The following GNB1 variants were observed in gnomAD, a reference collection of about 807,000 sequenced individuals.
GNB1 encodes the protein G protein subunit beta 1, also known as guanine nucleotide-binding protein G(I)/G(S)/G(T) subunit beta-1.
A neutral mutation model predicts 42.9 loss-of-function variants in GNB1; 2 were observed. That is an observed-to-expected ratio of 0.05 (90% confidence interval 0.02 to 0.15). The LOEUF (loss-of-function observed/expected upper bound fraction) is 0.15. Ranked by LOEUF, GNB1 falls within the 10% of genes least tolerant of loss-of-function variation. The probability of loss-of-function intolerance (pLI) is 1.00; values close to 1 mark genes in which losing one functional copy is unlikely to be tolerated. For missense variants in GNB1, 193 were observed against 462.2 expected (o/e 0.42, Z 5.34); for synonymous variants, 183 against 174.7 (o/e 1.05, Z -0.38).
At chr1:1,855,714 C>CA (rs1009219172) in intron 1 of GNB1, among the ~76,000 whole-genome samples, 60 of 149,568 alleles carry the variant, frequency 4.0e-4, no homozygotes, top group East Asian at 3.4e-3. Flanking sequence ...AAAAAAAAAA[C>CA]AAAAAAAAAC....
intron 7 of GNB1, among the ~76,000 whole-genome samples, 184 bp downstream of exon 7, chr1:1,804,235 C>T (rs567140552): frequency 2.0e-5 from 3 of 148,978 alleles, no homozygotes; most frequent in South Asian, 2.1e-4. Context: ...GGAGGCGGAG[C>T]GTGCAGTGAG....
At chr1:1,880,607 A>G (rs1019314501) in intron 1 of GNB1, among the ~76,000 whole-genome samples, 2 of 152,028 alleles carry the variant, frequency 1.3e-5, no homozygotes, top group East Asian at 1.9e-4. Flanking sequence ...ATATATATAT[A>G]TGATGATGAA....
intron 3 of GNB1, among the ~76,000 whole-genome samples, chr1:1,821,191 C>T (rs531818702): frequency 5.9e-5 from 9 of 152,306 alleles, no homozygotes; most frequent in Non-Finnish European, 1.2e-4. Flanking sequence ...CATTTTGGAC[C>T]GGGCATCCAT....
At chr1:1,868,262 G>A (rs1203102944) in intron 1 of GNB1, among the ~76,000 whole-genome samples, 3 of 151,958 alleles carry the variant, frequency 2.0e-5, no homozygotes, top group African/African-American at 4.8e-5. Context: ...TGCAACCTCT[G>A]CCTCCCGGGT....
intron 1 of GNB1, among the ~76,000 whole-genome samples, chr1:1,847,543 C>T (rs1296699226): frequency 1.3e-5 from 2 of 152,156 alleles, no homozygotes; most frequent in Non-Finnish European, 2.9e-5. Context: ...ACACACAGTA[C>T]TCTATGGAAA....
intron 1 of GNB1, among the ~76,000 whole-genome samples, chr1:1,865,768 A>C (rs1422040383): frequency 6.6e-6 from 1 of 152,208 alleles, no homozygotes; most frequent in African/African-American, 2.4e-5. Context: ...TAACTTGAGA[A>C]AGCTTTTAAA....
intron 6 of GNB1, among the ~76,000 whole-genome samples, chr1:1,805,476 A>C (rs868749049): frequency 2.6e-5 from 4 of 152,096 alleles, no homozygotes; most frequent in Admixed American, 6.6e-5. Flanking sequence ...ACACAAAAAA[A>C]CCCACACGTA....
At chr1:1,788,917 C>T (rs1646442414) in intron 10 of GNB1, 136 bp downstream of exon 10, 13 of 659,692 alleles carry the variant, frequency 2.0e-5, no homozygotes, top group South Asian at 8.9e-5. Context: ...CATCAGTTTG[C>T]GACTGTCACT....
At chr1:1,883,299 AAG>A (rs1197268419) in intron 1 of GNB1, among the ~76,000 whole-genome samples, 1 of 151,920 alleles carries the variant, frequency 6.6e-6, no homozygotes, top group Non-Finnish European at 1.5e-5. Flanking sequence ...AAAAAAGAAA[AAG>A]AAAAAAAAAC....
intron 5 of GNB1, among the ~76,000 whole-genome samples, chr1:1,812,409 C>CAT (rs1646794626): frequency 1.3e-5 from 2 of 148,890 alleles, no homozygotes; most frequent in East Asian, 2.0e-4. Context: ...CACATACATA[C>CAT]ACACACACAC....
intron 7 of GNB1, among the ~76,000 whole-genome samples, chr1:1,798,874 G>A (rs370740559): frequency 6.6e-6 from 1 of 151,290 alleles, no homozygotes; most frequent in Non-Finnish European, 1.5e-5. Flanking sequence ...ACTAGTTTTT[G>A]TATTTTTTGT....
At position 1,786,395 on chromosome 1, in the gene GNB1, G is replaced by A. The variant is rs1057017916; in HGVS notation, c.*668C>T. ...TTGAGACCGTCCCCGCATGTGCTTG[G>A]CCCCATGGCTTCTGAACATGTTCTT... On this transcript the variant is annotated 3_prime_UTR_variant, in exon 12 of 12. Transcript: ENST00000378609. 3.9e-6 allele frequency: 1 copy of A among 258,564 alleles called. No homozygotes were observed. Among genetic ancestry groups the A allele is most frequent in the African/African-American group, 2.2e-5 (1 of 45,594 alleles). 16.0% of individuals were successfully genotyped at this position (258,564 alleles called of 1,614,324 possible). A position where few individuals can be genotyped will look rare whatever the true frequency, so the allele number is the denominator to read the frequency against.
chr1:1,805,179 C>A (rs1175688638), intron 6 of GNB1, among the ~76,000 whole-genome samples: 1 of 151,482 alleles, frequency 6.6e-6, no homozygotes, highest in African/African-American at 2.4e-5. Context: ...AACAAACAGG[C>A]CGGGTGCGGT....
At chr1:1,855,927 C>G (rs1198510150) in intron 1 of GNB1, among the ~76,000 whole-genome samples, 2 of 152,244 alleles carry the variant, frequency 1.3e-5, no homozygotes, top group African/African-American at 4.8e-5. Context: ...AGGTGATAAG[C>G]AGGGAGCTCA....
chr1:1,807,724 T>C (rs1369426224), intron 5 of GNB1, among the ~76,000 whole-genome samples: 1 of 151,614 alleles, frequency 6.6e-6, no homozygotes, highest in Non-Finnish European at 1.5e-5. Flanking sequence ...TTTTTTTTTT[T>C]TGAGACGGAG....
chr1:1,844,092 G>GGGTGAGGCAGGAGAATGGCGTGACC (rs1647480863), intron 1 of GNB1, among the ~76,000 whole-genome samples: 1 of 152,088 alleles, frequency 6.6e-6, no homozygotes, highest in Non-Finnish European at 1.5e-5. Context: ...CTACTTGGGA[G>GGGTGAGGCAGGAGAATGGCGTGACC]GGTGAGGCAG....
In GNB1 at chr1:1,857,402, A is replaced by G. The variant is rs184279296; in HGVS notation, c.-95-18164T>C. Among the ~76,000 whole-genome samples, 162 of 152,268 alleles carry G rather than the reference A, an allele frequency of 1.1e-3. 1 individual carries two copies. Among genetic ancestry groups the G allele is most frequent in the African/African-American group, 3.8e-3 (156 of 41,552 alleles). ...ATCACTGTCATCTTGTACAGGGTTC[A>G]ACGCAGCCTAGGATTCTAAATCACA... On this transcript the variant is annotated intron_variant, in intron 1 of 11. Transcript: ENST00000378609.
chr1:1,850,075 T>C (rs1020586002), intron 1 of GNB1, among the ~76,000 whole-genome samples: 2 of 152,070 alleles, frequency 1.3e-5, no homozygotes, highest in Non-Finnish European at 2.9e-5. Flanking sequence ...TTCAAGTGAT[T>C]GTCCTGCCTC....
intron 1 of GNB1, among the ~76,000 whole-genome samples, chr1:1,871,535 T>G (rs1270803777): frequency 6.6e-6 from 1 of 152,006 alleles, no homozygotes; most frequent in Non-Finnish European, 1.5e-5. Context: ...CCGTGTCTCC[T>G]CGATCTAACC....
Sources: allele counts gnomAD v4.1 joint callset (sites outside exome capture counted in the v4.1 genomes callset), GRCh38; gene constraint gnomAD v4.1.1; transcripts MANE v1.5; gene names NCBI Gene and HGNC (gene_info 2026-07-23, HGNC 2026-07-21).